Variants in SYNE2 observed in about 807,000 individuals in gnomAD.
SYNE2 encodes spectrin repeat containing nuclear envelope protein 2.
In SYNE2, 431 loss-of-function variants were observed where a neutral mutation model predicts 856.3. The ratio of observed to expected loss-of-function variants is 0.50; its 90% CI spans 0.47 to 0.55. SYNE2 has a LOEUF of 0.55. Ranked by LOEUF, SYNE2 falls within the 20% of genes least tolerant of loss-of-function variation. SYNE2 has a pLI of 0.00. For missense variants in SYNE2, 8,129 were observed against 8,023.2 expected, an observed-to-expected ratio of 1.01 and a Z score of -0.50; for synonymous variants, 2,923 against 2,872.3, an observed-to-expected ratio of 1.02 and a Z score of -0.56.
At chr14:63,835,375 G>T (rs1034629661) in intron 1 of SYNE2, among the ~76,000 whole-genome samples, 1 of 152,038 alleles carries the variant, frequency 6.6e-6, no homozygotes, top group Non-Finnish European at 1.5e-5. Flanking sequence ...CTGGGATTAA[G>T]GTGCCCGCCT....
At chr14:63,907,889 A>C (rs1224344367) in intron 1 of SYNE2, among the ~76,000 whole-genome samples, 1 of 152,118 alleles carries the variant, frequency 6.6e-6, no homozygotes, top group Non-Finnish European at 1.5e-5. Flanking sequence ...GATTCATCTT[A>C]ATTTGGAGGA....
chr14:64,202,708 A>C, intron 99 of SYNE2, 93 bp from the exon 100 acceptor site: 1 of 1,537,712 alleles, frequency 6.5e-7, no homozygotes, highest in Non-Finnish European at 9.0e-7. Flanking sequence ...CAATGCTCTT[A>C]CTGGCACATT....
chr14:63,883,727 G>A (rs1464907595), intron 1 of SYNE2, among the ~76,000 whole-genome samples: 3 of 152,234 alleles, frequency 2.0e-5, no homozygotes, highest in African/African-American at 7.2e-5. Flanking sequence ...TACATTGGAT[G>A]ATAAGTTCCC....
intron 30 of SYNE2, among the ~76,000 whole-genome samples, chr14:64,006,456 A>C (rs1338058766): frequency 3.3e-5 from 5 of 151,944 alleles, no homozygotes; most frequent in Admixed American, 2.6e-4. Flanking sequence ...CACCTTTTAC[A>C]AGTGTGTTCA....
rs2097607580 is a variant in SYNE2 at position 64,091,000 on chromosome 14, T to TATA, written c.11930_11932dup (p.Ile3977dup). ...AGCGGACAAATCAGCTTTTACAAGA[T>TATA]ATAAAACTATTGGAAAATGTGACTC... is the stretch of plus-strand genomic sequence containing the variant. On this transcript the variant is annotated inframe_insertion, in exon 60 of 116. Coordinates refer to ENST00000555002, the MANE Select transcript of SYNE2 (RefSeq NM_182914.3). 6.2e-7 allele frequency: 1 copy of TATA among 1,613,998 alleles called. No individual in the cohort carries two copies. Among genetic ancestry groups the TATA allele is most frequent in the Admixed American group, 1.7e-5 (1 of 60,006 alleles).
At chr14:63,960,022 G>T (rs1316283144) in intron 8 of SYNE2, among the ~76,000 whole-genome samples, 1 of 152,068 alleles carries the variant, frequency 6.6e-6, no homozygotes, top group Non-Finnish European at 1.5e-5. Context: ...AAATACCATA[G>T]TCATATTTGA....
intron 112 of SYNE2, among the ~76,000 whole-genome samples, chr14:64,222,762 T>G (rs574480922): frequency 6.6e-6 from 1 of 152,176 alleles, no homozygotes; most frequent in African/African-American, 2.4e-5. Flanking sequence ...ATGTGTCTAG[T>G]GGCCATATTG....
At chr14:64,213,665 C>T (rs1172698858) in intron 105 of SYNE2, among the ~76,000 whole-genome samples, 1 of 152,128 alleles carries the variant, frequency 6.6e-6, no homozygotes, top group Non-Finnish European at 1.5e-5. Context: ...AATTACCCCA[C>T]AATTTCTCAT....
At chr14:63,981,297 A>C (rs1596020593) in intron 16 of SYNE2, 124 bp downstream of exon 16, 1 of 841,574 alleles carries the variant, frequency 1.2e-6, no homozygotes, top group East Asian at 2.6e-5. Flanking sequence ...AAAATTCTTC[A>C]AGGTCTTGGA....
At chr14:64,055,854 A>C in intron 48 of SYNE2, 90 bp from the exon 49 acceptor site, 1 of 841,478 alleles carries the variant, frequency 1.2e-6, no homozygotes, top group Non-Finnish European at 1.9e-6. Context: ...ACTCAGAGAC[A>C]TATTATCTAT....
intron 1 of SYNE2, among the ~76,000 whole-genome samples, chr14:63,898,803 G>A (rs796337949): frequency 1.6e-4 from 25 of 152,160 alleles, no homozygotes; most frequent in African/African-American, 5.8e-4. Flanking sequence ...CACTTGATTC[G>A]TACTTTAGCT....
At chr14:64,020,186 C>A in intron 35 of SYNE2, 93 bp downstream of exon 35, 1 of 869,026 alleles carries the variant, frequency 1.2e-6, no homozygotes, top group African/African-American at 1.7e-5. Context: ...GAGCAAAACC[C>A]TGTCTCTAAA....
chr14:64,202,810 G>A lies in SYNE2; in HGVS notation c.18048G>A (p.Lys6016=). 1.2e-6 allele frequency: 2 copies of A among 1,614,110 alleles called. No individual in the cohort carries two copies. The highest frequency in any genetic ancestry group is 1.7e-6 in the Non-Finnish European group (2 of 1,180,034). ...LFDVIGSRVK[K]LKETFAFIQQ... ...CTGCAAATATGTGTAGGGTGAAGAA[G>A]CTGAAGGAGACCTTTGCTTTTATTC... is the stretch of plus-strand genomic sequence containing the variant. Residue 6016 remains lysine, a synonymous_variant, in exon 100 of 116, where the codon AAG becomes AAA. Transcript: ENST00000555002.
intron 2 of SYNE2, among the ~76,000 whole-genome samples, chr14:63,920,098 T>C (rs1450909862): frequency 6.6e-6 from 1 of 151,870 alleles, no homozygotes; most frequent in African/African-American, 2.4e-5. Flanking sequence ...TCAACAAATA[T>C]TTTTGAACAC....
Position 63,794,982 on chromosome 14 carries a change from G to C in SYNE2, c.-305+32996G>C, listed in dbSNP as rs1887866772. Among the ~76,000 whole-genome samples, 3 of 152,266 alleles carry C rather than the reference G, an allele frequency of 2.0e-5. No individual in the cohort carries two copies. The South Asian group carries it at 6.2e-4, about 32-fold the overall frequency. ...ACCGTTTTTATTTGTTTGTGACGGG[G>C]TCTTACTCTGCCTCCCAGGCTCAGG... is the stretch of plus-strand genomic sequence containing the variant. On this transcript the variant is annotated intron_variant, in intron 1 of 23. Transcript: ENST00000674003.
intron 51 of SYNE2, among the ~76,000 whole-genome samples, chr14:64,068,205 C>G (rs527885997): frequency 3.3e-5 from 5 of 152,132 alleles, no homozygotes; most frequent in African/African-American, 1.2e-4. Flanking sequence ...CAAGTGCACA[C>G]GGTCACATGA....
rs774196804 is a variant in SYNE2, at chr14:63,976,560, C to G, written c.1129-3C>G. ...ATGTTCTTTTTTTTTTTTTTTTTTT[C>G]AGATTAATGCATGGAAAATAAAGCT... On this transcript the variant is annotated splice_region_variant and splice_polypyrimidine_tract_variant and intron_variant, in intron 11 of 115. Transcript: ENST00000555002. 6.0e-5 allele frequency: 51 copies of G among 852,294 alleles called. No individual in the cohort carries two copies. The highest frequency in any genetic ancestry group is 6.6e-5 in the African/African-American group (2 of 30,510). The allele number at this position is 852,294 out of a possible 1,614,324, so 52.8% of individuals were successfully genotyped here.
rs1380707362 is a variant in SYNE2, at chr14:63,959,078, T to C, written c.788-2447T>C. On this transcript the variant is annotated intron_variant, in intron 8 of 115. Transcript: ENST00000555002. ...CCCCAGTCTTAGGATCAGTCATTTCTCCAAGGAGCCCTGGCTCTTTTTATT... is the reference window on the plus strand; with the variant it reads ...CCCCAGTCTTAGGATCAGTCATTTCCCCAAGGAGCCCTGGCTCTTTTTATT... Among the ~76,000 whole-genome samples the C allele has an allele frequency of 2.0e-5, 3 of 152,066 alleles. No individual in the cohort carries two copies. In the East Asian group the frequency reaches 5.8e-4, roughly 29 times the overall value.
chr14:63,841,832 C>CTTTTTTTTT lies in SYNE2; in HGVS notation c.-304-10659_-304-10651dup, dbSNP rs34947861. Among the ~76,000 whole-genome samples the CTTTTTTTTT allele has an allele frequency of 9.0e-4, 104 of 115,018 alleles. 1 individual carries two copies. The highest frequency in any genetic ancestry group is 1.3e-3 in the East Asian group (5 of 3,960). 75.5% of individuals were successfully genotyped at this position (115,018 alleles called of 152,430 possible). ...CATTTTTCTTTTTCTTTCTTTCTTT[C>CTTTTTTTTT]TTTTTTTTTTTTTTTTTTGAGACAT... On this transcript the variant is annotated intron_variant, in intron 1 of 23. Transcript: ENST00000674003.
Sources: gnomAD v4.1 joint callset for allele counts (sites outside exome capture counted in the v4.1 genomes callset) on GRCh38, gnomAD v4.1.1 for gene constraint, MANE v1.5 for transcripts, NCBI Gene and HGNC (gene_info 2026-07-23, HGNC 2026-07-21) for gene names.